POLR2F: variants seen among roughly 807,000 people sequenced by gnomAD.
POLR2F encodes RNA polymerase II, I and III subunit F.
Under a neutral mutation model 22.7 loss-of-function variants are expected in POLR2F, and 12 were observed. That is an observed-to-expected ratio of 0.53 (90% CI 0.34 to 0.86). The LOEUF (loss-of-function observed/expected upper bound fraction) is 0.86. POLR2F is among the 40% of genes least tolerant of loss of function. The pLI is 0.02. For missense variants in POLR2F, 126 were observed against 171.5 expected, an observed-to-expected ratio of 0.73 and a Z score of 1.48; for synonymous variants, 57 against 66.0, an observed-to-expected ratio of 0.86 and a Z score of 0.66.
intron 1 of POLR2F, among the ~76,000 whole-genome samples, chr22:38,012,170 C>T (rs1351932771): frequency 6.6e-6 from 1 of 151,756 alleles, no homozygotes; most frequent in Admixed American, 6.6e-5. Context: ...CAACCTCCAC[C>T]TCCTGGGTTC....
intron 1 of POLR2F, among the ~76,000 whole-genome samples, chr22:38,001,924 C>T (rs1239736233): frequency 6.6e-6 from 1 of 151,212 alleles, no homozygotes; most frequent in Non-Finnish European, 1.5e-5. Flanking sequence ...GCCTCCTGGG[C>T]TCAAGCAATT....
chr22:37,954,500 A>G (rs971997157), intron 1 of POLR2F, among the ~76,000 whole-genome samples: 1 of 152,008 alleles, frequency 6.6e-6, no homozygotes, highest in Admixed American at 6.6e-5. Context: ...GACGGGTTTC[A>G]CCATGTTGGC....
chr22:38,034,589 G>A (rs546364506), intron 5 of POLR2F, among the ~76,000 whole-genome samples: 5 of 152,330 alleles, frequency 3.3e-5, no homozygotes, highest in South Asian at 4.1e-4. Context: ...AAATCCCAGC[G>A]CTGACACCAG....
At chr22:38,037,739 C>T (rs896549872) in intron 5 of POLR2F, among the ~76,000 whole-genome samples, 5 of 152,098 alleles carry the variant, frequency 3.3e-5, no homozygotes, top group Admixed American at 1.3e-4. Flanking sequence ...ACTACAGGCA[C>T]GTGCCACCAT....
At position 38,017,853 on chromosome 22, in the gene POLR2F, G is replaced by T. The variant is rs1318590553; in HGVS notation, c.121-8016G>T. Among the ~76,000 whole-genome samples, 1 of 152,350 alleles carries T rather than the reference G, an allele frequency of 6.6e-6. No individual in the cohort carries two copies. The highest frequency in any genetic ancestry group is 1.5e-5 in the Non-Finnish European group (1 of 68,026). Reference sequence around the variant, plus strand: ...CTGCAGCTTCTACCCTTTGGTTCCAGTTCTACTCATTGGAACCATATGGAA... The same window carrying T: ...CTGCAGCTTCTACCCTTTGGTTCCATTTCTACTCATTGGAACCATATGGAA... On this transcript the variant is annotated intron_variant, in intron 1 of 2. Coordinates refer to the POLR2F transcript ENST00000333418. This position sits in a 1 kb window ranked among gnomAD's most constrained non-coding sequence, Gnocchi z 4.1.
intron 1 of POLR2F, among the ~76,000 whole-genome samples, chr22:37,993,189 C>T (rs1932755201): frequency 6.6e-6 from 1 of 152,170 alleles, no homozygotes; most frequent in East Asian, 1.9e-4. Context: ...CTGCACATGG[C>T]TCATGAGACC....
downstream of POLR2F, chr22:38,041,858 C>G (rs2085175234): frequency 6.6e-6 from 1 of 152,162 alleles, no homozygotes; most frequent in East Asian, 1.9e-4. Flanking sequence ...TATGCTCTAA[C>G]TGTATGAATT....
intron 5 of POLR2F, among the ~76,000 whole-genome samples, chr22:38,033,464 A>G (rs2085085199): frequency 6.6e-6 from 1 of 152,164 alleles, no homozygotes; most frequent in African/African-American, 2.4e-5. Flanking sequence ...CCTCTGGGGT[A>G]GGGCTGGTTC....
chr22:38,021,575 G>A (rs927679123), intron 1 of POLR2F, among the ~76,000 whole-genome samples: 1 of 152,122 alleles, frequency 6.6e-6, no homozygotes, highest in Non-Finnish European at 1.5e-5. Flanking sequence ...TCTCACCTTA[G>A]CCTCTCAAGT....
exon 3 of POLR2F, chr22:38,026,666 G>A: frequency 3.9e-6 from 1 of 254,340 alleles, no homozygotes. Context: ...TACATTTTTG[G>A]GCTAATTTGC....
intron 1 of POLR2F, among the ~76,000 whole-genome samples, chr22:38,008,210 A>C (rs942933945): frequency 2.0e-5 from 3 of 152,146 alleles, no homozygotes; most frequent in African/African-American, 4.8e-5. Flanking sequence ...ACTGCACTCC[A>C]AACTGGGTGA....
intron 4 of POLR2F, among the ~76,000 whole-genome samples, chr22:37,979,482 G>A (rs1932328860): frequency 6.6e-6 from 1 of 152,024 alleles, no homozygotes; most frequent in Non-Finnish European, 1.5e-5. Flanking sequence ...GGTCCTGATT[G>A]TGTGAATTCC....
intron 1 of POLR2F, among the ~76,000 whole-genome samples, chr22:37,955,598 T>C (rs1228978099): frequency 6.6e-6 from 1 of 150,974 alleles, no homozygotes; most frequent in Non-Finnish European, 1.5e-5. Flanking sequence ...TGATGATGAA[T>C]GAGTACTAGC....
At chr22:37,960,482 C>T (rs1377477819) in intron 3 of POLR2F, among the ~76,000 whole-genome samples, 1 of 152,206 alleles carries the variant, frequency 6.6e-6, no homozygotes, top group Non-Finnish European at 1.5e-5. Context: ...ACTGCAAGTG[C>T]TGCCTCCTGG....
intron 1 of POLR2F, among the ~76,000 whole-genome samples, chr22:38,003,601 C>T (rs547397558): frequency 7.8e-4 from 117 of 149,492 alleles, no homozygotes; most frequent in Admixed American, 2.7e-3. Flanking sequence ...CTTTTTGAGA[C>T]GGAGTCTCAC....
chr22:37,986,543 G>T lies in POLR2F; in HGVS notation c.120+231G>T. The T allele has an allele frequency of 1.9e-6, 2 of 1,043,062 alleles. No homozygotes were observed. Among genetic ancestry groups the T allele is most frequent in the Non-Finnish European group, 2.9e-6 (2 of 697,416 alleles). 64.6% of individuals were successfully genotyped at this position (1,043,062 alleles called of 1,614,324 possible). A position where few individuals can be genotyped will look rare whatever the true frequency, so the allele number is the denominator to read the frequency against. Reference sequence around the variant, plus strand: ...TTGGTCCAGCTGTGCCAGGATGGGGGTGGGGGTAGCAGTGGGCACGCTCTG... The same window carrying T: ...TTGGTCCAGCTGTGCCAGGATGGGGTTGGGGGTAGCAGTGGGCACGCTCTG... On this transcript the variant is annotated intron_variant, in intron 1 of 2. Coordinates refer to the POLR2F transcript ENST00000333418. The surrounding 1 kb of genome is among the most constrained non-coding windows in gnomAD (Gnocchi z 4.7).
At chr22:37,973,871 A>G, downstream of POLR2F, 1 of 1,610,022 alleles carries the variant, frequency 6.2e-7, no homozygotes, top group Non-Finnish European at 8.5e-7. Context: ...GACCGTGGGC[A>G]GAGCCACGCC....
Position 37,974,347 on chromosome 22 carries a change from GTTT to G in POLR2F, c.293+7184_293+7186del, listed in dbSNP as rs916489152. On this transcript the variant is annotated intron_variant, in intron 4 of 4. Coordinates refer to the POLR2F transcript ENST00000405557. This position sits in a 1 kb window ranked among gnomAD's most constrained non-coding sequence, Gnocchi z 5.4. ...TTCACATTTTGGCAGCATGAGTCGGGTTTTTTTTTGTTTTTTTTTTTTGAGATG... is the reference window on the plus strand; with the variant it reads ...TTCACATTTTGGCAGCATGAGTCGGGTTTTTTGTTTTTTTTTTTTGAGATG... 1.4e-5 allele frequency: 8 copies of G among 583,926 alleles called. No individual in the cohort carries two copies. The highest frequency in any genetic ancestry group is 2.2e-5 in the South Asian group (1 of 45,524). 36.2% of individuals were successfully genotyped at this position (583,926 alleles called of 1,614,324 possible).
chr22:37,970,467 C>A (rs937276731), downstream of POLR2F, among the ~76,000 whole-genome samples: 1 of 141,638 alleles, frequency 7.1e-6, no homozygotes, highest in Admixed American at 7.0e-5. Flanking sequence ...ATTAGCTGGG[C>A]GTGGTGGTGC....
Sources: allele counts gnomAD v4.1 joint callset (sites outside exome capture counted in the v4.1 genomes callset), GRCh38; gene constraint gnomAD v4.1.1; non-coding constraint Gnocchi (gnomAD v3.1); transcripts MANE v1.5; gene names NCBI Gene and HGNC (gene_info 2026-07-23, HGNC 2026-07-21).